Variants in HECW2 observed in about 807,000 individuals in gnomAD.
HECW2 encodes the protein HECT, C2 and WW domain containing E3 ubiquitin protein ligase 2.
Under a neutral mutation model 175.2 loss-of-function variants are expected in HECW2, and 61 were observed. The observed-to-expected ratio is 0.35, with a 90% CI of 0.28 to 0.43. The LOEUF is 0.43. HECW2 is among the 20% of genes least tolerant of loss of function. The probability of loss-of-function intolerance (pLI) is 1.00; values close to 1 mark genes in which losing one functional copy is unlikely to be tolerated. For synonymous variants in HECW2, 671 were observed against 731.0 expected (o/e 0.92, Z 1.32); for missense variants, 1,524 against 2,000.5 (o/e 0.76, Z 4.54).
intron 2 of HECW2, among the ~76,000 whole-genome samples, chr2:196,402,902 G>A (rs1256424798): frequency 1.3e-5 from 2 of 151,648 alleles, no homozygotes; most frequent in African/African-American, 2.4e-5. Context: ...CGCCTTCTGG[G>A]CTCAAGCAAT....
At chr2:196,417,097 G>A (rs1483911471) in intron 2 of HECW2, among the ~76,000 whole-genome samples, 4 of 152,068 alleles carry the variant, frequency 2.6e-5, no homozygotes, top group Non-Finnish European at 5.9e-5. Flanking sequence ...CTAAGCCTTC[G>A]GCTTCTAATT....
intron 2 of HECW2, among the ~76,000 whole-genome samples, chr2:196,399,504 G>C (rs1327444687): frequency 1.3e-5 from 2 of 152,214 alleles, no homozygotes; most frequent in East Asian, 3.9e-4. Context: ...TGCTAATGAA[G>C]AGAACAACGA....
intron 2 of HECW2, among the ~76,000 whole-genome samples, chr2:196,377,012 G>A (rs944530549): frequency 6.6e-6 from 1 of 152,102 alleles, no homozygotes; most frequent in Non-Finnish European, 1.5e-5. Flanking sequence ...AAAACATAGA[G>A]TTACAAACTC....
chr2:196,530,756 C>G (rs971014639), intron 1 of HECW2, among the ~76,000 whole-genome samples: 4 of 152,132 alleles, frequency 2.6e-5, no homozygotes, highest in Non-Finnish European at 5.9e-5. Context: ...TGGAGGTATC[C>G]ACTCTCCACA....
chr2:196,469,988 A>G (rs1697129259), intron 1 of HECW2, among the ~76,000 whole-genome samples: 1 of 152,128 alleles, frequency 6.6e-6, no homozygotes, highest in South Asian at 2.1e-4. Flanking sequence ...ATTCTAGTTA[A>G]AACTTTCTTT....
chr2:196,441,436 TTTA>T (rs1349685559), intron 1 of HECW2, among the ~76,000 whole-genome samples: 1 of 151,998 alleles, frequency 6.6e-6, no homozygotes, highest in Non-Finnish European at 1.5e-5. Flanking sequence ...CAAGTGATTT[TTTA>T]TTTTTATTTT....
intron 10 of HECW2, among the ~76,000 whole-genome samples, chr2:196,310,768 T>TTGGGTGTGTGTGTGTG (rs1691465006): frequency 6.7e-6 from 1 of 148,216 alleles, no homozygotes; most frequent in Admixed American, 6.7e-5. Context: ...AGCAACGATT[T>TTGGGTGTGTGTGTGTG]TGTGTGTGTG....
intron 1 of HECW2, among the ~76,000 whole-genome samples, chr2:196,527,433 T>G (rs944995726): frequency 2.6e-5 from 4 of 152,210 alleles, no homozygotes; most frequent in Admixed American, 2.0e-4. Flanking sequence ...GAAATCACCC[T>G]TCTTCTGCGT....
intron 1 of HECW2, among the ~76,000 whole-genome samples, chr2:196,473,994 A>T (rs185259659): frequency 3.3e-5 from 5 of 152,354 alleles, no homozygotes; most frequent in Admixed American, 3.3e-4. Flanking sequence ...CAACTTCAGG[A>T]GGCAGAAAAG....
At chr2:196,428,182 T>C (rs1028025798) in intron 2 of HECW2, among the ~76,000 whole-genome samples, 1 of 152,182 alleles carries the variant, frequency 6.6e-6, no homozygotes, top group Non-Finnish European at 1.5e-5. Flanking sequence ...CCTTCTCCTT[T>C]GGGACTTATT....
chr2:196,376,070 G>A (rs541993470), intron 2 of HECW2, among the ~76,000 whole-genome samples: 2 of 152,186 alleles, frequency 1.3e-5, no homozygotes, highest in East Asian at 1.9e-4. Flanking sequence ...ATTACCTAAT[G>A]GTGGGAAGGG....
intron 1 of HECW2, among the ~76,000 whole-genome samples, chr2:196,456,668 G>T (rs11896578): frequency 0.21 from 32,349 of 152,076 alleles, 4,000 homozygotes; most frequent in African/African-American, 0.34. Context: ...CACTGAAGTG[G>T]GTCCAGATGG....
At chr2:196,470,903 C>A (rs1375355222) in intron 1 of HECW2, among the ~76,000 whole-genome samples, 1 of 148,310 alleles carries the variant, frequency 6.7e-6, no homozygotes, top group Non-Finnish European at 1.5e-5. Context: ...AAGAAAACAG[C>A]AAAATATATG....
At chr2:196,347,844 T>A (rs550656636) in intron 2 of HECW2, among the ~76,000 whole-genome samples, 1 of 152,394 alleles carries the variant, frequency 6.6e-6, no homozygotes, top group South Asian at 2.1e-4. Context: ...TTTTCTTTGA[T>A]GTGATCATAT....
chr2:196,222,402 C>A, intron 23 of HECW2, 62 bp from the exon 24 acceptor site: 2 of 1,502,506 alleles, frequency 1.3e-6, no homozygotes, highest in South Asian at 1.2e-5. Flanking sequence ...AACCCAGAGT[C>A]ATAAGGAAAG....
intron 28 of HECW2, 108 bp from the exon 29 acceptor site, chr2:196,201,496 T>C (rs1686858593): frequency 1.7e-6 from 1 of 584,186 alleles, no homozygotes; most frequent in Non-Finnish European, 2.9e-6. Flanking sequence ...GTCTTTCACA[T>C]TCAAATTTAT....
intron 1 of HECW2, among the ~76,000 whole-genome samples, chr2:196,491,574 A>G (rs1408461877): frequency 6.6e-6 from 1 of 151,382 alleles, no homozygotes. Context: ...AATAATATAT[A>G]CACATAGATA....
intron 17 of HECW2, among the ~76,000 whole-genome samples, chr2:196,259,520 G>A (rs1005718290): frequency 1.8e-4 from 28 of 152,164 alleles, no homozygotes; most frequent in Non-Finnish European, 3.1e-4. Context: ...TTTAGTATTT[G>A]CCAAACTTTC....
At chr2:196,275,752 A>C (rs1358708607) in intron 15 of HECW2, among the ~76,000 whole-genome samples, 1 of 147,168 alleles carries the variant, frequency 6.8e-6, no homozygotes, top group South Asian at 2.1e-4. Context: ...CTCTGTCTTA[A>C]AAAAAAAAAA....
Sources: gnomAD v4.1 joint callset for allele counts (sites outside exome capture counted in the v4.1 genomes callset) on GRCh38, gnomAD v4.1.1 for gene constraint, MANE v1.5 for transcripts, NCBI Gene and HGNC (gene_info 2026-07-23, HGNC 2026-07-21) for gene names.